Variants in NFIB observed in about 807,000 individuals in gnomAD.
NFIB encodes the protein nuclear factor I B.
NFIB carries 11 observed loss-of-function variants against 61.5 expected under a neutral mutation model. The ratio of observed to expected loss-of-function variants is 0.18; its 90% confidence interval spans 0.11 to 0.30. The LOEUF is 0.30. Among genes scored for constraint, NFIB ranks in the 10% least tolerant of loss-of-function variants. NFIB has a pLI of 1.00. For synonymous variants in NFIB, 260 were observed against 216.5 expected (o/e 1.20, Z -1.76); for missense variants, 471 against 608.9 (o/e 0.77, Z 2.38).
At chr9:14,155,286 T>A (rs545368347) in intron 4 of NFIB, among the ~76,000 whole-genome samples, 47 of 152,332 alleles carry the variant, frequency 3.1e-4, no homozygotes, top group African/African-American at 1.1e-3. Flanking sequence ...GAATGGTGTC[T>A]CAGGTGAAGT....
the NFIB span, among the ~76,000 whole-genome samples, chr9:14,456,085 T>C: frequency 6.6e-6 from 1 of 152,172 alleles, no homozygotes; most frequent in Non-Finnish European, 1.5e-5. Context: ...ATCAAAGCAT[T>C]GAATGTACTA....
intron 1 of NFIB, among the ~76,000 whole-genome samples, chr9:14,338,808 T>A (rs933534920): frequency 6.6e-6 from 1 of 152,010 alleles, no homozygotes; most frequent in African/African-American, 2.4e-5. Context: ...CATCCATCCA[T>A]CTATCTATCC....
At chr9:14,157,935 A>AC (rs1421384280) in intron 3 of NFIB, among the ~76,000 whole-genome samples, 5 of 151,758 alleles carry the variant, frequency 3.3e-5, no homozygotes, top group African/African-American at 1.2e-4. Flanking sequence ...ATATGGTGAA[A>AC]CCCCATCTCC....
At chr9:14,202,646 ATCGGT>A (rs2049174319) in intron 2 of NFIB, among the ~76,000 whole-genome samples, 1 of 152,204 alleles carries the variant, frequency 6.6e-6, no homozygotes, top group South Asian at 2.1e-4. Flanking sequence ...ACATAAAAAT[ATCGGT>A]TCTACGTTTC....
the NFIB span, among the ~76,000 whole-genome samples, chr9:14,450,869 A>T: frequency 6.6e-6 from 1 of 152,256 alleles, no homozygotes; most frequent in African/African-American, 2.4e-5. Flanking sequence ...TAAAACATTG[A>T]AGAAAATAGC....
chr9:14,242,148 A>G (rs1207309114), intron 2 of NFIB, among the ~76,000 whole-genome samples: 4 of 152,232 alleles, frequency 2.6e-5, no homozygotes, highest in Non-Finnish European at 5.9e-5. Flanking sequence ...GATTCTCTGT[A>G]AACATAACTA....
chr9:14,236,092 C>T (rs1272341620), intron 2 of NFIB, among the ~76,000 whole-genome samples: 1 of 152,114 alleles, frequency 6.6e-6, no homozygotes, highest in East Asian at 1.9e-4. Context: ...AATCACTATA[C>T]CCTCATCTTC....
the NFIB span, among the ~76,000 whole-genome samples, chr9:14,461,517 G>A: frequency 6.6e-6 from 1 of 152,108 alleles, no homozygotes; most frequent in Non-Finnish European, 1.5e-5. Context: ...CTTCCACTGT[G>A]GAACTACTTG....
intron 2 of NFIB, among the ~76,000 whole-genome samples, chr9:14,283,249 G>A (rs1368412463): frequency 6.6e-6 from 1 of 152,172 alleles, no homozygotes; most frequent in African/African-American, 2.4e-5. Flanking sequence ...CTTGGGGAAT[G>A]ACTCGCATCA....
At chr9:14,414,176 G>A in the NFIB span, among the ~76,000 whole-genome samples, 335 of 152,172 alleles carry the variant, frequency 2.2e-3, 2 homozygotes, top group African/African-American at 7.8e-3. Context: ...GGTGGCTCAC[G>A]TCTGTAATCC....
At chr9:14,381,491 G>GA (rs1375342314) in intron 1 of NFIB, among the ~76,000 whole-genome samples, 3 of 152,166 alleles carry the variant, frequency 2.0e-5, no homozygotes, top group Non-Finnish European at 4.4e-5. Flanking sequence ...ACACTTGCCT[G>GA]AAAAGCATTT....
At chr9:14,126,703 A>C (rs1252642718) in intron 6 of NFIB, among the ~76,000 whole-genome samples, 2 of 152,228 alleles carry the variant, frequency 1.3e-5, no homozygotes, top group Non-Finnish European at 2.9e-5. Flanking sequence ...CTGAATGCTT[A>C]CCCTCATAGG....
intron 2 of NFIB, among the ~76,000 whole-genome samples, chr9:14,293,411 C>T (rs1290129248): frequency 6.6e-6 from 1 of 152,184 alleles, no homozygotes; most frequent in African/African-American, 2.4e-5. Flanking sequence ...AATATTTTCT[C>T]TGTAACTGGA....
chr9:14,252,926 G>T (rs2055808866), intron 2 of NFIB, among the ~76,000 whole-genome samples: 1 of 138,196 alleles, frequency 7.2e-6, no homozygotes, highest in East Asian at 2.6e-4. Flanking sequence ...AAAGACTGGT[G>T]ATGGATGCAT....
At chr9:14,300,657 T>C (rs2059700318) in intron 2 of NFIB, among the ~76,000 whole-genome samples, 1 of 152,246 alleles carries the variant, frequency 6.6e-6, no homozygotes, top group Non-Finnish European at 1.5e-5. Context: ...TATAAGTCCA[T>C]TATCATGTAA....
intron 1 of NFIB, among the ~76,000 whole-genome samples, chr9:14,329,380 A>C (rs2060793953): frequency 6.6e-6 from 1 of 152,124 alleles, no homozygotes; most frequent in Non-Finnish European, 1.5e-5. Context: ...TTATAGACTG[A>C]AATGTCCCAG....
chr9:14,178,909 T>C (rs540522247), intron 3 of NFIB, among the ~76,000 whole-genome samples: 1 of 152,212 alleles, frequency 6.6e-6, no homozygotes, highest in African/African-American at 2.4e-5. Flanking sequence ...ACAGATGAGA[T>C]TGTTTGGGGA....
chr9:14,233,548 C>T (rs1057207941), intron 2 of NFIB, among the ~76,000 whole-genome samples: 2 of 151,616 alleles, frequency 1.3e-5, no homozygotes, highest in Admixed American at 6.6e-5. Context: ...CTTGCCTCAG[C>T]CTCTCAAGTA....
chr9:14,178,109 T>C (rs1399385093), intron 3 of NFIB, among the ~76,000 whole-genome samples: 1 of 152,186 alleles, frequency 6.6e-6, no homozygotes, highest in Non-Finnish European at 1.5e-5. Context: ...ACTCTTTTTC[T>C]ACCAAAGGTT....
Sources: gnomAD v4.1 joint callset for allele counts (sites outside exome capture counted in the v4.1 genomes callset) on GRCh38, gnomAD v4.1.1 for gene constraint, MANE v1.5 for transcripts, NCBI Gene and HGNC (gene_info 2026-07-23, HGNC 2026-07-21) for gene names.